Variants in CTNNA3 observed in about 807,000 individuals in gnomAD.
CTNNA3 encodes catenin alpha-3.
CTNNA3 carries 76 observed loss-of-function variants against 95.7 expected under a neutral mutation model. That is an observed-to-expected ratio of 0.79 (90% CI 0.66 to 0.96). CTNNA3 has a LOEUF of 0.96. Among genes scored for constraint, CTNNA3 ranks in the 40% least tolerant of loss-of-function variants. The pLI is 0.00. For synonymous variants in CTNNA3, 431 were observed against 374.4 expected (o/e 1.15, Z -1.74); for missense variants, 1,191 against 1,089.8 (o/e 1.09, Z -1.31).
intron 5 of CTNNA3, among the ~76,000 whole-genome samples, chr10:67,220,566 A>C (rs916412840): frequency 6.6e-6 from 1 of 152,214 alleles, no homozygotes; most frequent in Non-Finnish European, 1.5e-5. Flanking sequence ...AATAAATGCT[A>C]TGAAGAAAAC....
rs557768712 is a variant in CTNNA3, at chr10:66,715,750, T to C, written c.1281+50514A>G. Among the ~76,000 whole-genome samples, 47 of 152,064 alleles carry C rather than the reference T, an allele frequency of 3.1e-4. 1 individual carries two copies. Among genetic ancestry groups the C allele is most frequent in the Non-Finnish European group, 6.3e-4 (43 of 67,976 alleles). Reference sequence around the variant, plus strand: ...AATTCATAAACACACATGTGTTCCATAAAATTTATATTTCTCCTCTTTATT... The same window carrying C: ...AATTCATAAACACACATGTGTTCCACAAAATTTATATTTCTCCTCTTTATT... On this transcript the variant is annotated intron_variant, in intron 9 of 17. Transcript: ENST00000433211.
chr10:66,989,521 G>C (rs1850925471), intron 7 of CTNNA3, among the ~76,000 whole-genome samples: 1 of 152,014 alleles, frequency 6.6e-6, no homozygotes, highest in Non-Finnish European at 1.5e-5. Context: ...ATATATGTTT[G>C]GTCATGTGGG....
intron 11 of CTNNA3, among the ~76,000 whole-genome samples, chr10:66,440,171 G>A (rs1246179323): frequency 3.3e-5 from 5 of 152,118 alleles, no homozygotes; most frequent in Admixed American, 3.3e-4. Context: ...ATATTTGAAG[G>A]TGAAATTAAT....
chr10:66,362,447 A>C (rs190551957), intron 12 of CTNNA3, among the ~76,000 whole-genome samples: 3 of 150,740 alleles, frequency 2.0e-5, no homozygotes, highest in Non-Finnish European at 4.4e-5. Flanking sequence ...GCAGTGGCGC[A>C]TGCCTGTAAT....
At chr10:67,023,112 G>C (rs935897873) in intron 7 of CTNNA3, among the ~76,000 whole-genome samples, 3 of 152,054 alleles carry the variant, frequency 2.0e-5, no homozygotes, top group Non-Finnish European at 4.4e-5. Flanking sequence ...TCAAAATCCA[G>C]GTAGACTTTT....
chr10:67,269,749 A>G (rs892603367), intron 5 of CTNNA3, among the ~76,000 whole-genome samples: 1 of 152,176 alleles, frequency 6.6e-6, no homozygotes, highest in Admixed American at 6.5e-5. Flanking sequence ...TTGAAGTCCT[A>G]GTATTACCAA....
chr10:66,577,415 G>T (rs929149053), intron 10 of CTNNA3, among the ~76,000 whole-genome samples: 1 of 152,084 alleles, frequency 6.6e-6, no homozygotes, highest in Non-Finnish European at 1.5e-5. Context: ...CCCATGTCCA[G>T]AATGGTATTT....
chr10:66,457,624 GACAC>G (rs2131839598), intron 11 of CTNNA3, among the ~76,000 whole-genome samples: 1 of 135,242 alleles, frequency 7.4e-6, no homozygotes, highest in Non-Finnish European at 1.6e-5. Context: ...ATCAAAGCCT[GACAC>G]ATTTGACTGG....
chr10:66,285,909 A>G (rs749446847), intron 12 of CTNNA3, among the ~76,000 whole-genome samples: 2 of 151,900 alleles, frequency 1.3e-5, no homozygotes, highest in Admixed American at 6.6e-5. Flanking sequence ...TTCACTAAAC[A>G]TTAAATTTTT....
intron 2 of CTNNA3, among the ~76,000 whole-genome samples, chr10:67,609,035 A>G (rs1290937679): frequency 2.1e-5 from 3 of 144,636 alleles, no homozygotes; most frequent in Non-Finnish European, 1.5e-5. Flanking sequence ...GGTTGCGGTG[A>G]GCCGAAATCA....
rs186298388 is a variant in CTNNA3 at position 66,349,051 on chromosome 10, T to G, written c.1732+30101A>C. Among the ~76,000 whole-genome samples, 365 of 152,216 alleles carry G rather than the reference T, an allele frequency of 2.4e-3. 6 individuals are homozygous for G. Among genetic ancestry groups the G allele is most frequent in the Admixed American group, 4.7e-3 (72 of 15,286 alleles). The stretch of plus-strand genomic sequence containing the variant: ...AGAAAACGGAAAAGTTGATGGGATA[T>G]ATTTGATTACATGTTCGTTACTTCA... On this transcript the variant is annotated intron_variant, in intron 12 of 17. Coordinates refer to ENST00000433211, the MANE Select transcript of CTNNA3 (RefSeq NM_013266.4).
chr10:66,380,856 T>A (rs2092832979), intron 11 of CTNNA3, among the ~76,000 whole-genome samples: 1 of 151,958 alleles, frequency 6.6e-6, no homozygotes, highest in Non-Finnish European at 1.5e-5. Flanking sequence ...ACTAAATATA[T>A]CCTAAATATA....
intron 1 of CTNNA3, among the ~76,000 whole-genome samples, chr10:67,739,017 T>C (rs1841319237): frequency 6.6e-6 from 1 of 152,178 alleles, no homozygotes. Flanking sequence ...GAAAACACTC[T>C]GCAGGATATT....
At chr10:66,071,257 G>C (rs77219646) in intron 14 of CTNNA3, among the ~76,000 whole-genome samples, 1 of 152,114 alleles carries the variant, frequency 6.6e-6, no homozygotes, top group East Asian at 1.9e-4. Flanking sequence ...TATGTGTTTA[G>C]GTTTCTGCTT....
chr10:67,050,735 C>T (rs976734024), intron 7 of CTNNA3, among the ~76,000 whole-genome samples: 1 of 152,176 alleles, frequency 6.6e-6, no homozygotes, highest in Non-Finnish European at 1.5e-5. Context: ...GAAATGACCA[C>T]TCGCATCAAA....
intron 11 of CTNNA3, among the ~76,000 whole-genome samples, chr10:66,416,781 C>T (rs990396144): frequency 7.2e-5 from 11 of 151,976 alleles, no homozygotes; most frequent in African/African-American, 2.7e-4. Context: ...TTCATCACCA[C>T]TAGACTGACC....
At chr10:67,280,713 A>G (rs1163388828) in intron 5 of CTNNA3, among the ~76,000 whole-genome samples, 1 of 152,138 alleles carries the variant, frequency 6.6e-6, no homozygotes, top group Non-Finnish European at 1.5e-5. Flanking sequence ...GACCCTGTGC[A>G]GGTTCCCTTA....
chr10:65,974,857 C>A (rs2133283045), intron 16 of CTNNA3, among the ~76,000 whole-genome samples: 1 of 152,074 alleles, frequency 6.6e-6, no homozygotes, highest in Non-Finnish European at 1.5e-5. Flanking sequence ...TTATTTTATT[C>A]AAATTTTGTA....
At chr10:67,124,555 A>G (rs1859625091) in intron 7 of CTNNA3, among the ~76,000 whole-genome samples, 1 of 152,186 alleles carries the variant, frequency 6.6e-6, no homozygotes, top group Non-Finnish European at 1.5e-5. Context: ...TTCACGGTGA[A>G]TTGACTAGCT....
Sources: gnomAD v4.1 joint callset for allele counts (sites outside exome capture counted in the v4.1 genomes callset) on GRCh38, gnomAD v4.1.1 for gene constraint, MANE v1.5 for transcripts, NCBI Gene and HGNC (gene_info 2026-07-23, HGNC 2026-07-21) for gene names.